The following RCAN2 variants were observed in gnomAD, a reference collection of about 807,000 sequenced individuals.
RCAN2 encodes the protein calcipressin-2.
In RCAN2, 9 loss-of-function variants were observed where a neutral mutation model predicts 23.6. The ratio of observed to expected loss-of-function variants is 0.38; its 90% CI spans 0.23 to 0.67. The LOEUF (loss-of-function observed/expected upper bound fraction) is 0.67. Among genes scored for constraint, RCAN2 ranks in the 30% least tolerant of loss-of-function variants. The pLI, the probability that RCAN2 is intolerant of heterozygous loss-of-function variation, is 0.51. For missense variants in RCAN2, 273 were observed against 302.3 expected (o/e 0.90, Z 0.72); for synonymous variants, 109 against 115.7 (o/e 0.94, Z 0.37).
intron 2 of RCAN2, among the ~76,000 whole-genome samples, chr6:46,288,502 G>A (rs1027881058): frequency 3.9e-5 from 6 of 152,192 alleles, no homozygotes; most frequent in African/African-American, 1.2e-4. Context: ...TTCTAATAGA[G>A]GGGAGAATCC....
intron 2 of RCAN2, among the ~76,000 whole-genome samples, chr6:46,311,574 T>C (rs1294035754): frequency 6.6e-6 from 1 of 152,132 alleles, no homozygotes; most frequent in Non-Finnish European, 1.5e-5. Flanking sequence ...GAAGTGGGAC[T>C]GGAGAAGCAG....
At chr6:46,419,176 T>C (rs1214814958) in intron 2 of RCAN2, among the ~76,000 whole-genome samples, 3 of 152,166 alleles carry the variant, frequency 2.0e-5, no homozygotes, top group Non-Finnish European at 2.9e-5. Flanking sequence ...TGTGGAAAGT[T>C]TGAAACCAGC....
chr6:46,223,906 T>C (rs139461185), intron 4 of RCAN2, among the ~76,000 whole-genome samples: 79 of 152,360 alleles, frequency 5.2e-4, no homozygotes, highest in African/African-American at 1.7e-3. Flanking sequence ...GGCTGTTAGC[T>C]GACTGGCTTT....
At chr6:46,430,619 A>G (rs1767168822) in intron 2 of RCAN2, among the ~76,000 whole-genome samples, 1 of 152,208 alleles carries the variant, frequency 6.6e-6, no homozygotes, top group Non-Finnish European at 1.5e-5. Flanking sequence ...AGTCCTCCCA[A>G]TTTTAAGATT....
Position 46,486,651 on chromosome 6 carries a change from C to T in RCAN2, c.-3+4522G>A, listed in dbSNP as rs181665339. ...TTCTAAAATAATACATTTTTTTGGT[C>T]CAATAGCTACCATTACAATGTCTTT... On this transcript the variant is annotated intron_variant, in intron 1 of 4. Coordinates refer to ENST00000371374, the MANE Select transcript of RCAN2 (RefSeq NM_001251974.2). Among the ~76,000 whole-genome samples the T allele has an allele frequency of 1.1e-3, 171 of 152,134 alleles. 1 individual carries two copies. Among genetic ancestry groups the T allele is most frequent in the Non-Finnish European group, 2.1e-3 (142 of 67,982 alleles).
At chr6:46,433,524 G>A (rs960976474) in intron 2 of RCAN2, among the ~76,000 whole-genome samples, 6 of 152,216 alleles carry the variant, frequency 3.9e-5, no homozygotes, top group Admixed American at 3.9e-4. Flanking sequence ...ACTCAGAGAA[G>A]GAGGTGTGTT....
At chr6:46,261,775 C>T (rs941969403) in intron 2 of RCAN2, among the ~76,000 whole-genome samples, 1 of 152,070 alleles carries the variant, frequency 6.6e-6, no homozygotes, top group East Asian at 1.9e-4. Flanking sequence ...AATGTAGAGC[C>T]CAAATTAGCC....
At chr6:46,304,230 A>C (rs1263896462) in intron 2 of RCAN2, among the ~76,000 whole-genome samples, 2 of 151,984 alleles carry the variant, frequency 1.3e-5, no homozygotes, top group African/African-American at 2.4e-5. Context: ...CTCTTTTTGA[A>C]ATGTCTGTTC....
intron 2 of RCAN2, among the ~76,000 whole-genome samples, chr6:46,275,165 C>CT (rs1327631995): frequency 8.5e-4 from 124 of 145,524 alleles, no homozygotes; most frequent in Non-Finnish European, 9.1e-4. Context: ...CAATCATCAC[C>CT]TTTTTTTTTT....
chr6:46,228,070 T>C (rs944594617), intron 4 of RCAN2, among the ~76,000 whole-genome samples: 3 of 152,236 alleles, frequency 2.0e-5, no homozygotes, highest in African/African-American at 4.8e-5. Context: ...TCAGTTTCCA[T>C]GAAGTTGAGT....
At chr6:46,278,964 C>A (rs187041509) in intron 2 of RCAN2, among the ~76,000 whole-genome samples, 3 of 152,122 alleles carry the variant, frequency 2.0e-5, no homozygotes, top group African/African-American at 7.2e-5. Context: ...GCGTTGGAAC[C>A]ACCTAGGCCA....
At chr6:46,355,287 C>G (rs574264770) in intron 2 of RCAN2, among the ~76,000 whole-genome samples, 2 of 152,220 alleles carry the variant, frequency 1.3e-5, no homozygotes, top group Admixed American at 6.5e-5. Flanking sequence ...GTCTCTTCCC[C>G]CATAGGAAGA....
At chr6:46,259,736 T>A (rs1457679030) in intron 2 of RCAN2, among the ~76,000 whole-genome samples, 61 of 152,170 alleles carry the variant, frequency 4.0e-4, no homozygotes, top group Admixed American at 3.7e-3. Flanking sequence ...CAATTGCACG[T>A]CCAGGCTTTG....
intron 1 of RCAN2, among the ~76,000 whole-genome samples, chr6:46,458,422 G>T (rs1471780144): frequency 6.6e-6 from 1 of 152,036 alleles, no homozygotes; most frequent in Non-Finnish European, 1.5e-5. Flanking sequence ...GCCCGGTTGA[G>T]GTAGGAGCCA....
intron 1 of RCAN2, among the ~76,000 whole-genome samples, chr6:46,472,869 C>CT (rs2150442484): frequency 6.6e-6 from 1 of 152,280 alleles, no homozygotes; most frequent in African/African-American, 2.4e-5. Flanking sequence ...TACAGGAACA[C>CT]TGGAACTTTT....
chr6:46,373,950 A>C (rs908977637), intron 2 of RCAN2, among the ~76,000 whole-genome samples: 3 of 152,218 alleles, frequency 2.0e-5, no homozygotes, highest in African/African-American at 7.2e-5. Context: ...TCATCACAAC[A>C]TCCCTAAGAT....
intron 2 of RCAN2, among the ~76,000 whole-genome samples, chr6:46,343,341 A>C (rs1764386519): frequency 6.6e-6 from 1 of 151,846 alleles, no homozygotes; most frequent in African/African-American, 2.4e-5. Flanking sequence ...ATTTCACGTG[A>C]GAATGTAAAA....
intron 2 of RCAN2, among the ~76,000 whole-genome samples, chr6:46,435,839 G>A (rs1767348226): frequency 6.6e-6 from 1 of 152,182 alleles, no homozygotes; most frequent in Admixed American, 6.5e-5. Context: ...TCACATGGAG[G>A]CATATGAATG....
chr6:46,436,039 T>A (rs1767353642), intron 2 of RCAN2, among the ~76,000 whole-genome samples: 1 of 152,206 alleles, frequency 6.6e-6, no homozygotes. Context: ...CTGGGCTAGT[T>A]CTTGTGAATA....
Sources: allele counts gnomAD v4.1 joint callset (sites outside exome capture counted in the v4.1 genomes callset), GRCh38; gene constraint gnomAD v4.1.1; transcripts MANE v1.5; gene names NCBI Gene and HGNC (gene_info 2026-07-23, HGNC 2026-07-21).